CYFIP1: variants seen among roughly 807,000 people sequenced by gnomAD.
The protein encoded by CYFIP1 is cytoplasmic FMR1-interacting protein 1.
Under a neutral mutation model 163.5 loss-of-function variants are expected in CYFIP1, and 58 were observed. That is an observed-to-expected ratio of 0.35 (90% CI 0.29 to 0.44). The LOEUF is 0.44. Ranked by LOEUF, CYFIP1 falls within the 20% of genes least tolerant of loss-of-function variation. The pLI is 1.00. For missense variants in CYFIP1, 1,338 were observed against 1,653.8 expected (o/e 0.81, Z 3.31); for synonymous variants, 663 against 660.7 (o/e 1.00, Z -0.05).
intron 16 of CYFIP1, chr15:22,915,130 C>CT (rs397783359): frequency 0.35 from 104,551 of 295,888 alleles, 12,448 homozygotes; most frequent in African/African-American, 0.5. Flanking sequence ...GGGAAAGTGT[C>CT]TTTTTTTTTT....
Position 22,867,862 on chromosome 15 carries a change from A to T in CYFIP1, c.*2166T>A, listed in dbSNP as rs1410992549. 2 of 150,260 alleles carry T rather than the reference A, an allele frequency of 1.3e-5. No individual in the cohort carries two copies. The highest frequency in any genetic ancestry group is 2.4e-5 in the African/African-American group (1 of 41,026). 9.3% of individuals were successfully genotyped at this position (150,260 alleles called of 1,614,324 possible). A position where few individuals can be genotyped will look rare whatever the true frequency, so the allele number is the denominator to read the frequency against. On this transcript the variant is annotated 3_prime_UTR_variant, in exon 31 of 31. Transcript: ENST00000617928. ...TTCTAGAAAATGTTTGTTTATGAAG[A>T]AGTCGATGGAAAACTGCAAACATAT...
chr15:22,978,377 A>C (rs1487236687), intron 1 of CYFIP1, among the ~76,000 whole-genome samples: 1 of 149,612 alleles, frequency 6.7e-6, no homozygotes, highest in African/African-American at 2.5e-5. Context: ...AAAAAAAAAA[A>C]AAAAAGGAAT....
In CYFIP1 at chr15:22,912,167, C is replaced by T. The variant is rs1448537157; in HGVS notation, c.2082+12G>A. 1.2e-6 allele frequency: 2 copies of T among 1,605,980 alleles called. No homozygotes were observed. Among genetic ancestry groups the T allele is most frequent in the Non-Finnish European group, 1.7e-6 (2 of 1,173,946 alleles). ...AAGGAAATGAACAGAAATGGAGCTG[C>T]AGGGGCCTCACCTCGGCCTCAATTT... is the stretch of plus-strand genomic sequence containing the variant. On this transcript the variant is annotated intron_variant, in intron 18 of 30. Coordinates refer to ENST00000617928, the MANE Select transcript of CYFIP1 (RefSeq NM_014608.6).
chr15:22,930,765 A>G (rs2061512937), intron 11 of CYFIP1, among the ~76,000 whole-genome samples: 1 of 152,240 alleles, frequency 6.6e-6, no homozygotes, highest in Non-Finnish European at 1.5e-5. Context: ...TGTTGTTACA[A>G]AAGCCAAAAA....
chr15:22,955,828 C>G (rs150727797), intron 1 of CYFIP1, among the ~76,000 whole-genome samples: 9 of 152,316 alleles, frequency 5.9e-5, no homozygotes, highest in African/African-American at 2.2e-4. Context: ...CTCCACACAG[C>G]AGACATCCCA....
intron 9 of CYFIP1, among the ~76,000 whole-genome samples, chr15:22,935,532 A>G (rs1483058428): frequency 1.3e-5 from 2 of 152,238 alleles, no homozygotes; most frequent in African/African-American, 2.4e-5. Context: ...TTAGGTGGAC[A>G]TTAATGAAAA....
In CYFIP1 at chr15:22,940,310, G is replaced by T. The variant is rs188987938; in HGVS notation, c.570-803C>A. The stretch of plus-strand genomic sequence containing the variant: ...TAGGAACGAGCCCTGCATTTCTGTG[G>T]AACACACATTCCAGGGAGCCCCACA... On this transcript the variant is annotated intron_variant, in intron 6 of 30. Coordinates refer to ENST00000617928, the MANE Select transcript of CYFIP1 (RefSeq NM_014608.6). Among the ~76,000 whole-genome samples the T allele has an allele frequency of 2.9e-3, 440 of 152,266 alleles. 1 individual carries two copies. Among genetic ancestry groups the T allele is most frequent in the African/African-American group, 0.01 (427 of 41,536 alleles).
rs971309946 is a variant in CYFIP1, at chr15:22,869,745, C to G, written c.*283G>C. 76 of 273,844 alleles carry G rather than the reference C, an allele frequency of 2.8e-4. No individual in the cohort carries two copies. Among genetic ancestry groups the G allele is most frequent in the African/African-American group, 1.6e-3 (71 of 45,438 alleles). The allele number at this position is 273,844 out of a possible 1,614,324, so 17.0% of individuals were successfully genotyped here. A position where few individuals can be genotyped will look rare whatever the true frequency, so the allele number is the denominator to read the frequency against. On this transcript the variant is annotated 3_prime_UTR_variant, in exon 31 of 31. Transcript: ENST00000617928. ...TGGAATGAATGAATGAACCCAGCAG[C>G]ATTTTATGACACAGCTGCCAGAACA...
In CYFIP1 at chr15:22,906,309, C is replaced by T. The variant is rs570554058; in HGVS notation, c.2389-2404G>A. ...TTTTAGTAGAGATGGGGTTTCACCA[C>T]GTTGGCCAGCCTGGTCTTGAACTCC... is the stretch of plus-strand genomic sequence containing the variant. On this transcript the variant is annotated intron_variant, in intron 21 of 30. Transcript: ENST00000617928. Among the ~76,000 whole-genome samples the T allele has an allele frequency of 3.6e-4, 54 of 151,436 alleles. 3 individuals carry two copies. The South Asian group carries it at 9.4e-3, about 26-fold the overall frequency.
chr15:22,907,680 C>A (rs1485507774), intron 21 of CYFIP1, among the ~76,000 whole-genome samples: 1 of 152,244 alleles, frequency 6.6e-6, no homozygotes, highest in African/African-American at 2.4e-5. Context: ...CCCATTCAGG[C>A]TTACTGCCTA....
intron 11 of CYFIP1, among the ~76,000 whole-genome samples, chr15:22,930,982 T>C (rs1459513679): frequency 6.6e-6 from 1 of 152,192 alleles, no homozygotes; most frequent in African/African-American, 2.4e-5. Flanking sequence ...ACAGCCTCCT[T>C]GTCTGACATG....
At chr15:22,892,655 C>T (rs1449422129) in intron 23 of CYFIP1, among the ~76,000 whole-genome samples, 1 of 152,194 alleles carries the variant, frequency 6.6e-6, no homozygotes. Context: ...CCAGAGCTGT[C>T]CCAACACTAC....
At chr15:22,961,347 C>A (rs1447627203) in intron 1 of CYFIP1, among the ~76,000 whole-genome samples, 1 of 151,990 alleles carries the variant, frequency 6.6e-6, no homozygotes, top group Non-Finnish European at 1.5e-5. Context: ...TGTATTATCA[C>A]TGAGATGAAA....
At chr15:22,944,687 A>G in intron 4 of CYFIP1, 28 bp from the exon 5 acceptor site, 1 of 1,596,964 alleles carries the variant, frequency 6.3e-7, no homozygotes, top group African/African-American at 1.3e-5. Flanking sequence ...AGGATGACAT[A>G]AGAGGCTTTG....
At chr15:22,923,036 A>T (rs2061240238) in intron 13 of CYFIP1, among the ~76,000 whole-genome samples, 1 of 152,158 alleles carries the variant, frequency 6.6e-6, no homozygotes, top group East Asian at 1.9e-4. Context: ...ACACAGGAGT[A>T]AATCATCATG....
chr15:22,917,004 T>G lies in CYFIP1; in HGVS notation c.1675-374A>C. The G allele has an allele frequency of 1.3e-6, 2 of 1,550,346 alleles. No homozygotes were observed. The highest frequency in any genetic ancestry group is 1.7e-6 in the Non-Finnish European group (2 of 1,146,442). On this transcript the variant is annotated intron_variant, in intron 15 of 30. Coordinates refer to ENST00000617928, the MANE Select transcript of CYFIP1 (RefSeq NM_014608.6). This position sits in a 1 kb window ranked among gnomAD's most constrained non-coding sequence, Gnocchi z 4.2. ...GAGCAGCTCGGCAGAGCCCAAGGAC[T>G]CGGCCATGGTGCGCACCAGGTAGAG...
At chr15:22,933,019 A>T (rs992734921) in intron 10 of CYFIP1, among the ~76,000 whole-genome samples, 1 of 151,886 alleles carries the variant, frequency 6.6e-6, no homozygotes. Context: ...TTTTTCATAC[A>T]GTCAAGGTCT....
rs2061562928 is a variant in CYFIP1, at chr15:22,932,271, C to T, written c.1062G>A (p.Glu354=). The T allele has an allele frequency of 6.2e-7, 1 of 1,613,178 alleles. No individual in the cohort carries two copies. The highest frequency in any genetic ancestry group is 8.5e-7 in the Non-Finnish European group (1 of 1,179,696). The change falls in exon 11 of 31, where the codon GAG becomes GAA. Residue 354 remains glutamate, a synonymous_variant. Transcript: ENST00000617928. ...GCTCCGAAATGAAGCGCATGTGGTCCTCGCGGATCTGGATCATCTGCTCGC... is the reference window on the plus strand; with the variant it reads ...GCTCCGAAATGAAGCGCATGTGGTCTTCGCGGATCTGGATCATCTGCTCGC... ...NICEQMIQIR[E]DHMRFISELA...
At chr15:22,907,816 G>A (rs758146175) in intron 21 of CYFIP1, among the ~76,000 whole-genome samples, 1 of 152,178 alleles carries the variant, frequency 6.6e-6, no homozygotes, top group Non-Finnish European at 1.5e-5. Context: ...CTGTGGCTCC[G>A]GCCCTGGCTC....
Sources: gnomAD v4.1 joint callset for allele counts (sites outside exome capture counted in the v4.1 genomes callset) on GRCh38, gnomAD v4.1.1 for gene constraint, Gnocchi (gnomAD v3.1) non-coding constraint, MANE v1.5 for transcripts, NCBI Gene and HGNC (gene_info 2026-07-23, HGNC 2026-07-21) for gene names.